Variants in CNTNAP2 observed in about 807,000 individuals in gnomAD.
CNTNAP2 encodes contactin associated protein 2.
Under a neutral mutation model 155.2 loss-of-function variants are expected in CNTNAP2, and 98 were observed. The observed-to-expected ratio is 0.63, with a 90% confidence interval of 0.54 to 0.75. CNTNAP2 has a LOEUF of 0.75. Among genes scored for constraint, CNTNAP2 ranks in the 30% least tolerant of loss-of-function variants. The pLI, the probability that CNTNAP2 is intolerant of heterozygous loss-of-function variation, is 0.00. For missense variants in CNTNAP2, 1,727 were observed against 1,688.1 expected (o/e 1.02, Z -0.40); for synonymous variants, 651 against 631.2 (o/e 1.03, Z -0.47).
At chr7:147,070,021 A>G (rs956630248) in intron 4 of CNTNAP2, among the ~76,000 whole-genome samples, 4 of 152,248 alleles carry the variant, frequency 2.6e-5, no homozygotes, top group African/African-American at 9.6e-5. Context: ...AGCTTTGGCT[A>G]TAAATAAGAC....
intron 22 of CNTNAP2, among the ~76,000 whole-genome samples, chr7:148,400,314 G>A (rs1009654364): frequency 6.6e-6 from 1 of 152,216 alleles, no homozygotes; most frequent in African/African-American, 2.4e-5. Flanking sequence ...GAGAAACAGC[G>A]TTTTCCTTCA....
intron 1 of CNTNAP2, among the ~76,000 whole-genome samples, chr7:146,238,886 AACTC>A (rs1011047358): frequency 2.0e-5 from 3 of 152,140 alleles, no homozygotes; most frequent in Non-Finnish European, 4.4e-5. Context: ...ATCTTGTGAG[AACTC>A]ACTCACTATC....
At chr7:146,898,739 G>A (rs945688233) in intron 3 of CNTNAP2, among the ~76,000 whole-genome samples, 38 of 151,782 alleles carry the variant, frequency 2.5e-4, no homozygotes, top group African/African-American at 8.5e-4. Context: ...GGTTTCTTCC[G>A]ATACTCAATT....
At chr7:147,741,755 A>T (rs1213473732) in intron 13 of CNTNAP2, among the ~76,000 whole-genome samples, 4 of 152,204 alleles carry the variant, frequency 2.6e-5, no homozygotes, top group African/African-American at 7.2e-5. Context: ...AATTCATGAT[A>T]TTAATCTAAG....
chr7:146,359,879 A>T (rs1399948665), intron 1 of CNTNAP2, among the ~76,000 whole-genome samples: 3 of 152,184 alleles, frequency 2.0e-5, no homozygotes, highest in African/African-American at 7.2e-5. Flanking sequence ...TCTCAAATAA[A>T]TTCAGTGACT....
At chr7:147,647,937 C>T (rs1252855545) in intron 13 of CNTNAP2, among the ~76,000 whole-genome samples, 1 of 152,096 alleles carries the variant, frequency 6.6e-6, no homozygotes, top group East Asian at 1.9e-4. Context: ...GAGAGGAAGC[C>T]ATCCCCTGTC....
chr7:147,266,006 G>A (rs1390725), intron 8 of CNTNAP2, among the ~76,000 whole-genome samples: 91,404 of 151,974 alleles, frequency 0.6, 28,406 homozygotes, highest in East Asian at 0.79. Context: ...TCAAAGATCT[G>A]AACCAGACAA....
At chr7:148,313,159 G>C (rs997693548) in intron 21 of CNTNAP2, among the ~76,000 whole-genome samples, 4 of 151,556 alleles carry the variant, frequency 2.6e-5, no homozygotes, top group Admixed American at 2.0e-4. Context: ...AGTTACGGAG[G>C]CAAGGGAAAC....
rs192972591 is a variant in CNTNAP2, at chr7:146,353,243, T to C, written c.97+236270T>C. On this transcript the variant is annotated intron_variant, in intron 1 of 23. Coordinates refer to ENST00000361727, the MANE Select transcript of CNTNAP2 (RefSeq NM_014141.6). Reference sequence around the variant, plus strand: ...AATGCCTCCTCCTCACTGAGTCTCATGCTTAGTCCTCATCTTTCTTGACTC... The same window carrying C: ...AATGCCTCCTCCTCACTGAGTCTCACGCTTAGTCCTCATCTTTCTTGACTC... Among the ~76,000 whole-genome samples the C allele has an allele frequency of 8.3e-4, 126 of 152,352 alleles. 1 individual carries two copies. The highest frequency in any genetic ancestry group is 7.1e-3 in the East Asian group (37 of 5,178).
chr7:146,261,217 G>A (rs1207458555), intron 1 of CNTNAP2, among the ~76,000 whole-genome samples: 1 of 152,014 alleles, frequency 6.6e-6, no homozygotes, highest in African/African-American at 2.4e-5. Context: ...AAATTACCCA[G>A]TGTCAGGTAG....
chr7:146,141,668 G>A (rs1279256887), intron 1 of CNTNAP2, among the ~76,000 whole-genome samples: 1 of 151,870 alleles, frequency 6.6e-6, no homozygotes, highest in Non-Finnish European at 1.5e-5. Flanking sequence ...TTCTTTTCAA[G>A]CATTAAAAAT....
chr7:148,001,948 A>G (rs1360462782), intron 15 of CNTNAP2, among the ~76,000 whole-genome samples: 1 of 152,164 alleles, frequency 6.6e-6, no homozygotes, highest in African/African-American at 2.4e-5. Context: ...TGGTTTTCCA[A>G]ATGGATGATA....
intron 15 of CNTNAP2, among the ~76,000 whole-genome samples, chr7:147,993,876 G>A (rs13235416): frequency 0.22 from 33,166 of 151,446 alleles, 4,291 homozygotes; most frequent in African/African-American, 0.35. Context: ...CTTCCTACCT[G>A]TTTCCTTCCC....
chr7:147,495,540 G>T (rs867280736), intron 11 of CNTNAP2, among the ~76,000 whole-genome samples: 1 of 152,298 alleles, frequency 6.6e-6, no homozygotes. Flanking sequence ...CAGATGATTT[G>T]TAAAATGTCT....
intron 13 of CNTNAP2, chr7:147,672,215 T>G (rs17170638): frequency 6.6e-6 from 1 of 152,168 alleles, no homozygotes; most frequent in Admixed American, 6.5e-5. Context: ...AGCCATGTTC[T>G]TAATACCCAA....
intron 13 of CNTNAP2, among the ~76,000 whole-genome samples, chr7:147,674,548 T>C (rs900035193): frequency 6.6e-6 from 1 of 152,178 alleles, no homozygotes; most frequent in Non-Finnish European, 1.5e-5. Flanking sequence ...TAGAGTTATT[T>C]ATATAAGCAG....
chr7:147,282,450 CA>C (rs1240520397), intron 8 of CNTNAP2, among the ~76,000 whole-genome samples: 1 of 151,820 alleles, frequency 6.6e-6, no homozygotes, highest in Non-Finnish European at 1.5e-5. Context: ...TGAGAATCTT[CA>C]AGCTAATTTA....
intron 3 of CNTNAP2, among the ~76,000 whole-genome samples, chr7:146,848,861 C>T (rs2537200): frequency 0.63 from 95,062 of 152,064 alleles, 30,441 homozygotes; most frequent in South Asian, 0.79. Flanking sequence ...CAACCTCTGC[C>T]TCCCAAGTTC....
intron 13 of CNTNAP2, among the ~76,000 whole-genome samples, chr7:147,663,590 C>G (rs926265770): frequency 6.6e-6 from 1 of 152,188 alleles, no homozygotes; most frequent in Non-Finnish European, 1.5e-5. Flanking sequence ...CTAAAAGCAA[C>G]GTGGCCAAAC....
Sources: allele counts gnomAD v4.1 joint callset (sites outside exome capture counted in the v4.1 genomes callset), GRCh38; gene constraint gnomAD v4.1.1; transcripts MANE v1.5; gene names NCBI Gene and HGNC (gene_info 2026-07-23, HGNC 2026-07-21).